GPRC5C: variants seen among roughly 807,000 people sequenced by gnomAD.
GPRC5C encodes G protein-coupled receptor family C group 5 member C.
Under a neutral mutation model 31.4 loss-of-function variants are expected in GPRC5C, and 22 were observed. The ratio of observed to expected loss-of-function variants is 0.70; its 90% CI spans 0.50 to 1.00. The LOEUF (loss-of-function observed/expected upper bound fraction) is 1.00. Among genes scored for constraint, GPRC5C ranks in the 50% least tolerant of loss-of-function variants. The pLI is 0.00. For missense variants in GPRC5C, 557 were observed against 597.2 expected, an observed-to-expected ratio of 0.93 and a Z score of 0.70; for synonymous variants, 249 against 257.5, an observed-to-expected ratio of 0.97 and a Z score of 0.32.
In GPRC5C at chr17:74,433,983, GGCCTCTGA is replaced by G. The variant is rs1159049654; in HGVS notation, c.-33+1854_-33+1861del. Among the ~76,000 whole-genome samples, 9 of 152,134 alleles carry G rather than the reference GGCCTCTGA, an allele frequency of 5.9e-5. No individual in the cohort carries two copies. The South Asian group carries it at 1.0e-3, about 18-fold the overall frequency. On this transcript the variant is annotated intron_variant, in intron 1 of 3. Transcript: ENST00000392627. ...CCAGTCAGGGCTGCTTGGGCCTCTG[GGCCTCTGA>G]GCCTCTGAGCCCACCAGGCCTCTGC...
intron 2 of GPRC5C, among the ~76,000 whole-genome samples, chr17:74,442,710 T>C (rs763085562): frequency 3.3e-5 from 5 of 152,232 alleles, no homozygotes; most frequent in Non-Finnish European, 7.3e-5. Flanking sequence ...ATCCTCATAA[T>C]CCCTGCTTTG....
At chr17:74,432,166 G>T (rs574913295) in intron 1 of GPRC5C, 25 bp downstream of exon 1, 1 of 1,601,030 alleles carries the variant, frequency 6.2e-7, no homozygotes, top group Admixed American at 1.7e-5. Context: ...GGAGGGCCGG[G>T]CAGGCTTTGT....
chr17:74,437,868 C>A (rs1422907651), intron 1 of GPRC5C, among the ~76,000 whole-genome samples: 3 of 151,994 alleles, frequency 2.0e-5, no homozygotes, highest in Non-Finnish European at 4.4e-5. Context: ...CACTGTCAGA[C>A]CAGGAAAGCT....
intron 1 of GPRC5C, 61 bp from the exon 2 acceptor site, chr17:74,439,683 AC>A: frequency 6.8e-7 from 1 of 1,474,044 alleles, no homozygotes; most frequent in Non-Finnish European, 9.2e-7. Flanking sequence ...GGGAAGCAGC[AC>A]CATGTATATT....
intron 1 of GPRC5C, among the ~76,000 whole-genome samples, chr17:74,438,899 C>A (rs926102148): frequency 2.0e-5 from 3 of 152,194 alleles, no homozygotes; most frequent in African/African-American, 7.2e-5. Context: ...GGTAGAGCGG[C>A]AGTCAGTAGA....
At chr17:74,432,958 C>T (rs1333786902) in intron 1 of GPRC5C, among the ~76,000 whole-genome samples, 1 of 151,998 alleles carries the variant, frequency 6.6e-6, no homozygotes, top group East Asian at 1.9e-4. Flanking sequence ...CCAGTACCGT[C>T]GACCCAAGTA....
downstream of GPRC5C, chr17:74,447,516 T>G: frequency 4.4e-6 from 1 of 227,080 alleles, no homozygotes; most frequent in Non-Finnish European, 7.3e-6. Context: ...TGACTTCTCT[T>G]TCTTCCCTCC....
chr17:74,440,562 G>A lies in GPRC5C; in HGVS notation c.786G>A (p.Met262Ile). Residue 262 changes from methionine (M) to isoleucine (I), a missense_variant, in exon 2 of 4, where the codon ATG (methionine) becomes ATA (isoleucine). Coordinates refer to ENST00000392627, the MANE Select transcript of GPRC5C (RefSeq NM_022036.4). The surrounding 1 kb of genome is among the most constrained non-coding windows in gnomAD (Gnocchi z 4.4). ...CCATATGGGTGGTGTGGATCGTCAT[G>A]TATACTTACGGCAACAAGCAGCACA... is the stretch of plus-strand genomic sequence containing the variant. ...SVAIWVVWIV[M>I]YTYGNKQHNS... 6.2e-7 allele frequency: 1 copy of A among 1,614,178 alleles called. No individual in the cohort carries two copies. The highest frequency in any genetic ancestry group is 1.7e-5 in the Admixed American group (1 of 60,030).
chr17:74,445,991 C>CCAG lies in GPRC5C; in HGVS notation c.1147-857_1147-856insAGC, dbSNP rs200358246. On this transcript the variant is annotated intron_variant, in intron 3 of 3. Transcript: ENST00000392627. ...CCTGGCAACGTAGTGAGACCCCCCC[C>CCAG]CCCCGCCCACCATCTCTACAAAAAA... The CCAG allele has an allele frequency of 5.3e-5, 3 of 56,242 alleles. 1 individual carries two copies. The highest frequency in any genetic ancestry group is 3.0e-5 in the Non-Finnish European group (1 of 33,142). The allele number at this position is 56,242 out of a possible 1,614,324, so 3.5% of individuals were successfully genotyped here. A position where few individuals can be genotyped will look rare whatever the true frequency, so the allele number is the denominator to read the frequency against.
At position 74,440,791 on chromosome 17, in the gene GPRC5C, G is replaced by A. The variant is rs1170959587; in HGVS notation, c.1015G>A (p.Glu339Lys). Residue 339 changes from glutamate to lysine, a missense_variant, in exon 2 of 4, where the codon GAG becomes AAG. Physicochemically the swap from Glu to Lys is moderately conservative, Grantham distance 56 (BLOSUM62 1). Coordinates refer to ENST00000392627, the MANE Select transcript of GPRC5C (RefSeq NM_022036.4). The surrounding 1 kb of genome is among the most constrained non-coding windows in gnomAD (Gnocchi z 4.4). ...GCAGAAGGGTCAGAGCATGTTCGTG[G>A]AGAACAAGGCCTTTTCCATGGATGA... is the stretch of plus-strand genomic sequence containing the variant. ...KEQKGQSMFVENKAFSMDEPV... is the reference protein window; with the variant it reads ...KEQKGQSMFVKNKAFSMDEPV... 3 of 1,534,082 alleles carry A rather than the reference G, an allele frequency of 2.0e-6. No individual in the cohort carries two copies. In the East Asian group the frequency reaches 6.9e-5, roughly 35 times the overall value.
chr17:74,435,574 C>T (rs2055421268), intron 1 of GPRC5C, among the ~76,000 whole-genome samples: 1 of 152,184 alleles, frequency 6.6e-6, no homozygotes. Context: ...TCTCTCATTC[C>T]TTGAAAGTTT....
At chr17:74,449,209 T>G (rs1489321741), downstream of GPRC5C, 5 of 421,852 alleles carry the variant, frequency 1.2e-5, no homozygotes, top group East Asian at 3.0e-4. Flanking sequence ...TCTCCCAAAA[T>G]TCTCCTTCTA....
At chr17:74,449,211 C>A (rs1051662230), downstream of GPRC5C, 1 of 424,706 alleles carries the variant, frequency 2.4e-6, no homozygotes, top group Admixed American at 3.8e-5. Context: ...TCCCAAAATT[C>A]TCCTTCTATG....
At chr17:74,444,210 C>T (rs2055590137) in intron 3 of GPRC5C, among the ~76,000 whole-genome samples, 1 of 152,180 alleles carries the variant, frequency 6.6e-6, no homozygotes, top group Non-Finnish European at 1.5e-5. Context: ...GGTGAGCTCT[C>T]CCTGGTGGGA....
chr17:74,435,433 GAT>G (rs2055419164), intron 1 of GPRC5C, among the ~76,000 whole-genome samples: 1 of 152,208 alleles, frequency 6.6e-6, no homozygotes, highest in African/African-American at 2.4e-5. Context: ...AGAGAAATAA[GAT>G]ATTTCAGGAT....
chr17:74,448,849 G>A (rs369146738), downstream of GPRC5C: 3 of 1,289,590 alleles, frequency 2.3e-6, no homozygotes, highest in South Asian at 1.2e-5. Flanking sequence ...AGAGAGGCCA[G>A]GCCAACACCA....
intron 2 of GPRC5C, chr17:74,443,130 C>T (rs1207579661): frequency 6.0e-6 from 1 of 167,242 alleles, no homozygotes; most frequent in Non-Finnish European, 1.3e-5. Context: ...CTCCGAGGCC[C>T]CGGGGTGCGT....
At chr17:74,437,226 C>G (rs2055445203) in intron 1 of GPRC5C, among the ~76,000 whole-genome samples, 2 of 152,146 alleles carry the variant, frequency 1.3e-5, no homozygotes, top group Non-Finnish European at 2.9e-5. Context: ...GCCACCGCAC[C>G]CAGCCTACTC....
downstream of GPRC5C, among the ~76,000 whole-genome samples, chr17:74,448,304 A>C (rs995167180): frequency 3.3e-5 from 5 of 152,234 alleles, no homozygotes; most frequent in Non-Finnish European, 7.3e-5. Context: ...CTGTCTCAAA[A>C]AAAGAAAGTC....
Sources: allele counts gnomAD v4.1 joint callset (sites outside exome capture counted in the v4.1 genomes callset), GRCh38; gene constraint gnomAD v4.1.1; non-coding constraint Gnocchi (gnomAD v3.1); transcripts MANE v1.5; gene names NCBI Gene and HGNC (gene_info 2026-07-23, HGNC 2026-07-21).